SLC35E2B: variants seen among roughly 807,000 people sequenced by gnomAD.
The protein encoded by SLC35E2B is solute carrier family 35 member E2B, also known as solute carrier family 35, member E2B.
A neutral mutation model predicts 32.4 loss-of-function variants in SLC35E2B; 18 were observed. That is an observed-to-expected ratio of 0.56 (90% CI 0.38 to 0.82). The LOEUF is 0.82. Ranked by LOEUF, SLC35E2B falls within the 40% of genes least tolerant of loss-of-function variation. The pLI is 0.00. For missense variants in SLC35E2B, 263 were observed against 469.5 expected (o/e 0.56, Z 4.06); for synonymous variants, 132 against 209.1 (o/e 0.63, Z 3.18).
Position 1,678,117 on chromosome 1 carries a change from G to A in SLC35E2B, c.-147-1271C>T, listed in dbSNP as rs1463967189. ...GCTCTGGGAGCGTGTGGTGCCGGCC[G>A]TGCTGCCCGACCCAGTACCCCTCCT... On this transcript the variant is annotated intron_variant, in intron 2 of 9. Transcript: ENST00000617444. 2.6e-5 allele frequency among the ~76,000 whole-genome samples: 4 copies of A among 152,232 alleles called. No homozygotes were observed. In the East Asian group the frequency reaches 5.8e-4, roughly 22 times the overall value.
At position 1,663,850 on chromosome 1, in the gene SLC35E2B, G is replaced by A; in HGVS notation, c.*1932C>T. ...CGTGACAAAACATCTTCGCAGCGCA[G>A]TGAGCACACACCTGGCCTGTCCTCC... On this transcript the variant is annotated 3_prime_UTR_variant, in exon 10 of 10. Coordinates refer to ENST00000617444, the MANE Select transcript of SLC35E2B (RefSeq NM_001290264.2). The A allele has an allele frequency of 2.2e-6, 2 of 910,990 alleles. No individual in the cohort carries two copies. The highest frequency in any genetic ancestry group is 1.1e-3 in the Middle Eastern group (2 of 1,832). 56.4% of individuals were successfully genotyped at this position (910,990 alleles called of 1,614,324 possible).
intron 5 of SLC35E2B, chr1:1,674,156 A>G (rs567945180): frequency 2.3e-5 from 4 of 170,624 alleles, no homozygotes; most frequent in Non-Finnish European, 4.0e-5. Context: ...TGTACAAAAA[A>G]TAAGCAAAAG....
chr1:1,671,652 G>C, intron 5 of SLC35E2B, 23 bp from the exon 6 acceptor site: 2 of 1,508,604 alleles, frequency 1.3e-6, no homozygotes, highest in South Asian at 1.3e-5. Context: ...CAGCCCCTGT[G>C]AGTGGCTGAC....
intron 2 of SLC35E2B, among the ~76,000 whole-genome samples, chr1:1,679,630 C>T (rs865853010): frequency 6.0e-5 from 9 of 150,698 alleles, no homozygotes. Context: ...AGTTCATGAC[C>T]AGCCTGGCAA....
In SLC35E2B at chr1:1,684,247, T is replaced by C. The variant is rs540950451; in HGVS notation, c.-148+6729A>G. 7.9e-5 allele frequency among the ~76,000 whole-genome samples: 12 copies of C among 152,278 alleles called. No homozygotes were observed. The South Asian group carries it at 2.5e-3, about 32-fold the overall frequency. On this transcript the variant is annotated intron_variant, in intron 2 of 9. Coordinates refer to ENST00000617444, the MANE Select transcript of SLC35E2B (RefSeq NM_001290264.2). The stretch of plus-strand genomic sequence containing the variant: ...CGTGCTGACACCCACATCAGTGACA[T>C]TTGGGCTAAGCCGCCTAATGCAGAG...
chr1:1,688,947 G>A (rs549387560), intron 2 of SLC35E2B, among the ~76,000 whole-genome samples: 2 of 151,802 alleles, frequency 1.3e-5, no homozygotes, highest in Non-Finnish European at 1.5e-5. Flanking sequence ...CGAGGTGGGC[G>A]CATCACGAGG....
chr1:1,689,536 A>G (rs1643995031), intron 2 of SLC35E2B, among the ~76,000 whole-genome samples: 1 of 151,640 alleles, frequency 6.6e-6, no homozygotes, highest in African/African-American at 2.4e-5. Context: ...TTAAATGTGT[A>G]AAACTTTATG....
chr1:1,679,865 G>A (rs1267856554), intron 2 of SLC35E2B, among the ~76,000 whole-genome samples: 2 of 151,112 alleles, frequency 1.3e-5, no homozygotes, highest in African/African-American at 4.9e-5. Flanking sequence ...GGGCGCGATG[G>A]CTCACACCTG....
chr1:1,669,907 G>C (rs1643642372), intron 7 of SLC35E2B, 171 bp from the exon 8 acceptor site: 1 of 864,110 alleles, frequency 1.2e-6, no homozygotes, highest in Admixed American at 2.1e-5. Flanking sequence ...CGCACACCAG[G>C]CTGGCTGAGG....
intron 6 of SLC35E2B, 55 bp from the exon 7 acceptor site, chr1:1,670,206 A>AG: frequency 7.7e-7 from 1 of 1,291,452 alleles, no homozygotes; most frequent in Non-Finnish European, 1.1e-6. Flanking sequence ...ACGGAACATC[A>AG]GGGGGAGAAG....
intron 5 of SLC35E2B, 32 bp downstream of exon 5, chr1:1,675,431 G>A (rs201420170): frequency 1.2e-6 from 2 of 1,609,576 alleles, no homozygotes; most frequent in Admixed American, 1.7e-5. Flanking sequence ...ATGGTGGGGC[G>A]CAGGCGGAGG....
chr1:1,666,016 G>A lies in SLC35E2B; in HGVS notation c.984C>T (p.Val328=), dbSNP rs773267239. Residue 328 remains valine, a synonymous_variant, in exon 10 of 10, where the codon GTC becomes GTT. Coordinates refer to ENST00000617444, the MANE Select transcript of SLC35E2B (RefSeq NM_001290264.2). ...ACAAGGCATGTTTCACGGTGCTGGC[G>A]ACGCTGCGGAGGCAAGGGGAGGCAG... ...MGKISPVTFS[V]ASTVKHALSI... The A allele has an allele frequency of 2.6e-4, 405 of 1,550,122 alleles. 1 individual carries two copies. The Middle Eastern group carries it at 7.0e-3, about 27-fold the overall frequency.
intron 7 of SLC35E2B, 157 bp downstream of exon 7, chr1:1,669,941 C>T (rs949856968): frequency 4.8e-5 from 41 of 850,112 alleles, no homozygotes; most frequent in African/African-American, 1.0e-4. Context: ...AGCTGAGAAA[C>T]GGGCGGGTCC....
chr1:1,684,953 C>G (rs1489386763), intron 2 of SLC35E2B, among the ~76,000 whole-genome samples: 3 of 146,554 alleles, frequency 2.0e-5, no homozygotes, highest in Non-Finnish European at 3.0e-5. Context: ...TAAAAAAATA[C>G]AAAATTAGCC....
chr1:1,674,186 C>T (rs1262299289), intron 5 of SLC35E2B: 6 of 160,624 alleles, frequency 3.7e-5, no homozygotes, highest in African/African-American at 1.2e-4. Flanking sequence ...ATCCACGCTC[C>T]GACAGCTGCG....
chr1:1,686,229 C>T (rs1159776938), intron 2 of SLC35E2B, among the ~76,000 whole-genome samples: 2 of 151,918 alleles, frequency 1.3e-5, no homozygotes, highest in African/African-American at 4.8e-5. Flanking sequence ...GTCTCGAACT[C>T]CTGACCTCGT....
chr1:1,669,544 G>T, intron 8 of SLC35E2B, 120 bp downstream of exon 8: 1 of 1,012,862 alleles, frequency 9.9e-7, no homozygotes, highest in Non-Finnish European at 1.4e-6. Context: ...AGCAGGACCC[G>T]CAGCGGAGCT....
chr1:1,690,308 AT>A (rs70937173), intron 2 of SLC35E2B, among the ~76,000 whole-genome samples: 73,579 of 138,522 alleles, frequency 0.53, 20,615 homozygotes, highest in Middle Eastern at 0.58. Context: ...ACAAAAAAAA[AT>A]ATATATATAT....
chr1:1,673,519 T>G (rs1643758128), intron 5 of SLC35E2B: 1 of 228,202 alleles, frequency 4.4e-6, no homozygotes. Flanking sequence ...AATACAAAAA[T>G]TAGCTGGGTG....
Sources: allele counts gnomAD v4.1 joint callset (sites outside exome capture counted in the v4.1 genomes callset), GRCh38; gene constraint gnomAD v4.1.1; transcripts MANE v1.5; gene names NCBI Gene and HGNC (gene_info 2026-07-23, HGNC 2026-07-21).